DIAPH2: variants seen among roughly 807,000 people sequenced by gnomAD.
DIAPH2 encodes protein diaphanous homolog 2.
DIAPH2 carries 35 observed loss-of-function variants against 92.7 expected under a neutral mutation model. The ratio of observed to expected loss-of-function variants is 0.38; its 90% confidence interval spans 0.29 to 0.50. DIAPH2 has a LOEUF of 0.50. DIAPH2 is among the 20% of genes least tolerant of loss of function. The probability of loss-of-function intolerance (pLI) is 0.94; values close to 1 mark genes in which losing one functional copy is unlikely to be tolerated. For missense variants in DIAPH2, 701 were observed against 819.5 expected (o/e 0.86, Z 1.77); for synonymous variants, 301 against 280.4 (o/e 1.07, Z -0.73).
At chrX:97,544,597 G>T (rs1008150029) in intron 26 of DIAPH2, among the ~76,000 whole-genome samples, 4 of 111,756 alleles carry the variant, frequency 3.6e-5, no homozygotes, top group Non-Finnish European at 7.5e-5. Context: ...AGCCTATACA[G>T]AAGTAACTTA....
At chrX:96,806,967 C>T (rs922208060) in intron 4 of DIAPH2, among the ~76,000 whole-genome samples, 1 of 111,259 alleles carries the variant, frequency 9.0e-6, no homozygotes, top group African/African-American at 3.3e-5. Context: ...TGGTCTCGAT[C>T]TCCTGACCTG....
intron 24 of DIAPH2, among the ~76,000 whole-genome samples, chrX:97,348,984 GTGTGTGTGTATATATATA>G (rs946533057): frequency 2.8e-5 from 3 of 105,774 alleles, no homozygotes; most frequent in African/African-American, 7.1e-5. Context: ...ACAGGTAAAG[GTGTGTGTGTATATATATA>G]TGTGTGTGTA....
intron 23 of DIAPH2, among the ~76,000 whole-genome samples, chrX:97,316,520 GT>G (rs1466624905): frequency 9.2e-6 from 1 of 108,248 alleles, no homozygotes; most frequent in Non-Finnish European, 1.9e-5. Flanking sequence ...GCCGGGCCTG[GT>G]GGCGCGCACC....
At chrX:96,714,773 A>G (rs1219796235) in intron 1 of DIAPH2, among the ~76,000 whole-genome samples, 2 of 112,004 alleles carry the variant, frequency 1.8e-5, no homozygotes, top group East Asian at 5.6e-4. Context: ...CTTTTTTTCC[A>G]TAGTGATTGA....
At chrX:97,498,841 G>T (rs2070776884) in intron 26 of DIAPH2, among the ~76,000 whole-genome samples, 1 of 111,863 alleles carries the variant, frequency 8.9e-6, no homozygotes, top group East Asian at 2.8e-4. Context: ...ATGTAATGTG[G>T]TGTCAGTAGC....
chrX:97,299,353 A>G (rs892178168), intron 23 of DIAPH2, among the ~76,000 whole-genome samples: 3 of 111,974 alleles, frequency 2.7e-5, no homozygotes, highest in African/African-American at 6.5e-5. Context: ...ATCAACCCCT[A>G]TGGATAAGAT....
chrX:96,911,132 G>A (rs930200300), intron 5 of DIAPH2, among the ~76,000 whole-genome samples: 7 of 111,573 alleles, frequency 6.3e-5, no homozygotes, highest in African/African-American at 2.3e-4. Context: ...ACATCAGAAT[G>A]TTGAGCCAAA....
At chrX:96,829,825 A>G (rs1412867874) in intron 4 of DIAPH2, among the ~76,000 whole-genome samples, 2 of 110,633 alleles carry the variant, frequency 1.8e-5, no homozygotes, top group African/African-American at 6.6e-5. Context: ...AAAAAGTCCT[A>G]TTTAGTATAG....
chrX:97,388,411 A>G (rs2069621679), intron 25 of DIAPH2, among the ~76,000 whole-genome samples: 1 of 111,848 alleles, frequency 8.9e-6, no homozygotes, highest in African/African-American at 3.2e-5. Flanking sequence ...GAATACAGAG[A>G]TGTGATCATA....
Position 97,076,540 on chromosome X carries a change from T to A in DIAPH2, c.2247+1279T>A, listed in dbSNP as rs774265533. Among the ~76,000 whole-genome samples, 1,002 of 110,787 alleles carry A rather than the reference T, an allele frequency of 9.0e-3. 7 individuals carry two copies. The highest frequency in any genetic ancestry group is 0.015 in the Non-Finnish European group (767 of 52,824). On this transcript the variant is annotated intron_variant, in intron 19 of 26. Coordinates refer to ENST00000324765, the MANE Select transcript of DIAPH2 (RefSeq NM_006729.5). ...AGCGAGACTCTGTCTCAAAAAAAAA[T>A]GAAACAAAACAAAACAAAACAAAAA...
intron 25 of DIAPH2, among the ~76,000 whole-genome samples, chrX:97,409,779 A>T (rs754674420): frequency 8.9e-6 from 1 of 112,362 alleles, no homozygotes; most frequent in Non-Finnish European, 1.9e-5. Flanking sequence ...CTAGCACAGC[A>T]GTCTGAGATT....
chrX:97,558,180 AC>A (rs2071270248), intron 26 of DIAPH2, among the ~76,000 whole-genome samples: 1 of 112,180 alleles, frequency 8.9e-6, no homozygotes, highest in African/African-American at 3.2e-5. Flanking sequence ...AGTTGGGGAG[AC>A]CAAGATGGAA....
chrX:97,075,069 T>C, intron 18 of DIAPH2, 98 bp from the exon 19 acceptor site: 1 of 522,645 alleles, frequency 1.9e-6, no homozygotes, highest in Non-Finnish European at 3.1e-6. Flanking sequence ...TAGTGACAAA[T>C]TTCATATTTT....
chrX:97,062,512 G>A (rs1046085543), intron 17 of DIAPH2, among the ~76,000 whole-genome samples: 1 of 111,133 alleles, frequency 9.0e-6, no homozygotes, highest in African/African-American at 3.3e-5. Flanking sequence ...GAGAATAGGA[G>A]GGAAGGACAG....
chrX:96,750,406 C>T (rs1316157086), intron 3 of DIAPH2, among the ~76,000 whole-genome samples: 2 of 111,637 alleles, frequency 1.8e-5, no homozygotes, highest in Non-Finnish European at 3.8e-5. Flanking sequence ...TATTTCATTT[C>T]AAAATATTGT....
chrX:97,259,702 G>C lies in DIAPH2; in HGVS notation c.2844+11863G>C, dbSNP rs1047033088. Among the ~76,000 whole-genome samples the C allele has an allele frequency of 8.0e-5, 9 of 112,560 alleles. No homozygotes were observed. In the Admixed American group the frequency reaches 8.5e-4, roughly 11 times the overall value. On this transcript the variant is annotated intron_variant, in intron 23 of 26. Transcript: ENST00000324765. ...TTTGTCTTCAATAATGCATTTAACTGTTCTGTGGTTGAATTTGTAATACAG... is the reference window on the plus strand; with the variant it reads ...TTTGTCTTCAATAATGCATTTAACTCTTCTGTGGTTGAATTTGTAATACAG...
At chrX:96,984,879 A>G (rs1449786745) in intron 17 of DIAPH2, among the ~76,000 whole-genome samples, 1 of 111,638 alleles carries the variant, frequency 9.0e-6, no homozygotes, top group Non-Finnish European at 1.9e-5. Flanking sequence ...TGAACATTTT[A>G]TATATATTAA....
At chrX:97,360,307 T>C (rs1281113148) in intron 24 of DIAPH2, among the ~76,000 whole-genome samples, 1 of 111,400 alleles carries the variant, frequency 9.0e-6, no homozygotes, top group African/African-American at 3.3e-5. Flanking sequence ...TGGGGACATA[T>C]AAAACAGCAG....
chrX:97,005,971 T>A (rs1344149535), intron 17 of DIAPH2, among the ~76,000 whole-genome samples: 1 of 108,573 alleles, frequency 9.2e-6, no homozygotes, highest in Non-Finnish European at 1.9e-5. Context: ...TAGTACTGCT[T>A]TTGTTGTATC....
Sources: allele counts gnomAD v4.1 joint callset (sites outside exome capture counted in the v4.1 genomes callset), GRCh38; gene constraint gnomAD v4.1.1; transcripts MANE v1.5; gene names NCBI Gene and HGNC (gene_info 2026-07-23, HGNC 2026-07-21).